The following FBXL2 variants were observed in gnomAD, a reference collection of about 807,000 sequenced individuals.
FBXL2 encodes the protein F-box and leucine rich repeat protein 2.
In FBXL2, 38 loss-of-function variants were observed where a neutral mutation model predicts 69.2. That is an observed-to-expected ratio of 0.55 (90% CI 0.42 to 0.72). The LOEUF (loss-of-function observed/expected upper bound fraction) is 0.72, where lower values mean the gene tolerates loss of function less well. Ranked by LOEUF, FBXL2 falls within the 30% of genes least tolerant of loss-of-function variation. FBXL2 has a pLI of 0.00. For synonymous variants in FBXL2, 192 were observed against 201.3 expected (o/e 0.95, Z 0.39); for missense variants, 354 against 520.3 (o/e 0.68, Z 3.11).
At chr3:33,393,526 G>T (rs949830082) in intron 12 of FBXL2, 1 of 1,480,116 alleles carries the variant, frequency 6.8e-7, no homozygotes. Context: ...TGATCTGTAG[G>T]ATCTGTACGA....
At chr3:33,412,860 A>C in the FBXL2 span, 3 of 1,411,508 alleles carry the variant, frequency 2.1e-6, no homozygotes, top group Non-Finnish European at 1.0e-6. Flanking sequence ...GAGTACTTTT[A>C]AACTGCTCCA....
intron 2 of FBXL2, among the ~76,000 whole-genome samples, chr3:33,323,710 G>A (rs1347998877): frequency 1.3e-5 from 2 of 152,156 alleles, no homozygotes; most frequent in African/African-American, 4.8e-5. Context: ...GTCTATCACT[G>A]ATGGGCGTTT....
At chr3:33,315,278 CTTTCTCTCTTTCTCTG>C (rs933490973) in intron 2 of FBXL2, among the ~76,000 whole-genome samples, 4 of 107,992 alleles carry the variant, frequency 3.7e-5, no homozygotes, top group Non-Finnish European at 7.9e-5. Context: ...CTTTCTTTTC[CTTTCTCTCTTTCTCTG>C]TTTCTCTCTT....
Position 33,375,425 on chromosome 3 carries a change from A to C in FBXL2, c.788+7A>C. 1 of 1,611,374 alleles carries C rather than the reference A, an allele frequency of 6.2e-7. No homozygotes were observed. The highest frequency in any genetic ancestry group is 8.5e-7 in the Non-Finnish European group (1 of 1,177,688). On this transcript the variant is annotated splice_region_variant and intron_variant, in intron 10 of 14. Coordinates refer to ENST00000484457, the MANE Select transcript of FBXL2 (RefSeq NM_012157.5). The stretch of plus-strand genomic sequence containing the variant: ...TGAACTGTCCGCGACTGCAGTGAGT[A>C]CACTGCACTTTTTGCTTTGCAGCTC...
chr3:33,381,490 C>T (rs2043056325), intron 13 of FBXL2, among the ~76,000 whole-genome samples: 1 of 152,168 alleles, frequency 6.6e-6, no homozygotes, highest in East Asian at 1.9e-4. Flanking sequence ...ACTAAAAATA[C>T]AAAATTAGCC....
intron 2 of FBXL2, among the ~76,000 whole-genome samples, chr3:33,346,316 A>G (rs2040430368): frequency 1.3e-5 from 2 of 152,154 alleles, no homozygotes; most frequent in Admixed American, 1.3e-4. Context: ...GTCTAAAGCA[A>G]GCTAAAGAAA....
At chr3:33,408,088 T>TG (rs746539183), downstream of FBXL2, among the ~76,000 whole-genome samples, 6 of 151,660 alleles carry the variant, frequency 4.0e-5, no homozygotes, top group Non-Finnish European at 8.8e-5. Flanking sequence ...ACAATGCAAC[T>TG]GCCAAGAAGA....
At chr3:33,378,943 A>G in intron 13 of FBXL2, 2 of 997,834 alleles carry the variant, frequency 2.0e-6, no homozygotes, top group Non-Finnish European at 2.8e-6. Flanking sequence ...TAAGATTCCC[A>G]AAAGAGAAAT....
intron 9 of FBXL2, 121 bp downstream of exon 9, chr3:33,374,042 T>G: frequency 2.4e-6 from 2 of 827,836 alleles, no homozygotes; most frequent in Non-Finnish European, 4.0e-6. Context: ...CACCCTGATT[T>G]CCATCCTGTG....
At chr3:33,417,824 A>C in the FBXL2 span, among the ~76,000 whole-genome samples, 1 of 152,166 alleles carries the variant, frequency 6.6e-6, no homozygotes, top group Non-Finnish European at 1.5e-5. Flanking sequence ...CCTTGTCCAT[A>C]CTCCCAGGGG....
At chr3:33,306,736 A>G (rs979317035) in intron 2 of FBXL2, among the ~76,000 whole-genome samples, 3 of 152,154 alleles carry the variant, frequency 2.0e-5, no homozygotes, top group Non-Finnish European at 4.4e-5. Flanking sequence ...AGACTTTATA[A>G]GATTGATTCT....
At chr3:33,300,667 T>G (rs566072583) in intron 2 of FBXL2, 1 of 152,260 alleles carries the variant, frequency 6.6e-6, no homozygotes, top group South Asian at 2.1e-4. Flanking sequence ...TTTCAGACTT[T>G]CCATTCTCTG....
chr3:33,277,679 G>T (rs2033439866), intron 1 of FBXL2, among the ~76,000 whole-genome samples, 164 bp downstream of exon 1: 1 of 152,064 alleles, frequency 6.6e-6, no homozygotes, highest in South Asian at 2.1e-4. Flanking sequence ...GCGGGCCCGG[G>T]GAGGGGTAAC....
At chr3:33,399,885 A>G (rs575783870) in intron 12 of FBXL2, among the ~76,000 whole-genome samples, 6 of 152,358 alleles carry the variant, frequency 3.9e-5, no homozygotes, top group Admixed American at 3.9e-4. Flanking sequence ...AACAAAAATT[A>G]TTTCAAAATA....
At chr3:33,357,837 C>G (rs2154040634) in intron 2 of FBXL2, among the ~76,000 whole-genome samples, 1 of 152,342 alleles carries the variant, frequency 6.6e-6, no homozygotes, top group African/African-American at 2.4e-5. Context: ...CCAAGATCCA[C>G]TGAATCTTTT....
chr3:33,364,771 A>T (rs2041845353), intron 5 of FBXL2, 52 bp downstream of exon 5: 1 of 1,461,094 alleles, frequency 6.8e-7, no homozygotes, highest in Non-Finnish European at 9.6e-7. Context: ...CATTTTCATC[A>T]GCAAAAATAA....
chr3:33,303,093 A>G (rs191220102), intron 2 of FBXL2: 28 of 456,658 alleles, frequency 6.1e-5, no homozygotes, highest in South Asian at 1.5e-4. Flanking sequence ...GGCTTTTTAA[A>G]GGACTGCTGC....
At chr3:33,412,063 T>G in the FBXL2 span, among the ~76,000 whole-genome samples, 23 of 152,072 alleles carry the variant, frequency 1.5e-4, no homozygotes, top group Admixed American at 9.8e-4. Flanking sequence ...GGCGCGTGCC[T>G]GTAGTCCCAG....
intron 2 of FBXL2, among the ~76,000 whole-genome samples, 169 bp from the exon 3 acceptor site, chr3:33,358,798 A>G (rs1283900771): frequency 6.6e-6 from 1 of 152,256 alleles, no homozygotes; most frequent in Non-Finnish European, 1.5e-5. Context: ...CAAACACTTA[A>G]TATTTCACTG....
Sources: allele counts gnomAD v4.1 joint callset (sites outside exome capture counted in the v4.1 genomes callset), GRCh38; gene constraint gnomAD v4.1.1; transcripts MANE v1.5; gene names NCBI Gene and HGNC (gene_info 2026-07-23, HGNC 2026-07-21).